Variants in NRDE2 observed in about 807,000 individuals in gnomAD.
The protein encoded by NRDE2 is NRDE-2, necessary for RNA interference, domain containing.
A neutral mutation model predicts 124.2 loss-of-function variants in NRDE2; 76 were observed. The ratio of observed to expected loss-of-function variants is 0.61; its 90% confidence interval spans 0.51 to 0.74. The LOEUF is 0.74. NRDE2 is among the 30% of genes least tolerant of loss of function. The probability of loss-of-function intolerance (pLI) is 0.00; values close to 1 mark genes in which losing one functional copy is unlikely to be tolerated. For synonymous variants in NRDE2, 489 were observed against 528.1 expected (o/e 0.93, Z 1.01); for missense variants, 1,314 against 1,417.3 (o/e 0.93, Z 1.17).
chr14:90,282,019 A>G (rs1236248446), intron 12 of NRDE2, among the ~76,000 whole-genome samples: 1 of 152,254 alleles, frequency 6.6e-6, no homozygotes, highest in East Asian at 1.9e-4. Flanking sequence ...ATGATTCACA[A>G]TTCAGAAATG....
chr14:90,294,627 C>T (rs1173890897), intron 8 of NRDE2, among the ~76,000 whole-genome samples: 1 of 152,070 alleles, frequency 6.6e-6, no homozygotes, highest in Non-Finnish European at 1.5e-5. Context: ...AGGTTCCTAA[C>T]GTAGTCACAT....
chr14:90,288,016 C>T (rs1448940636), intron 11 of NRDE2, among the ~76,000 whole-genome samples: 2 of 152,212 alleles, frequency 1.3e-5, no homozygotes, highest in Non-Finnish European at 2.9e-5. Flanking sequence ...GCCACCAACC[C>T]CCCTCCTGAG....
Position 90,288,343 on chromosome 14 carries a change from G to A in NRDE2, c.3032C>T (p.Ser1011Phe). Reference sequence around the variant, plus strand: ...TCTCCTGGTTTTGCTGGCACTGTGGGACTTATTCTGAATCTGTACATAGGA... The same window carrying A: ...TCTCCTGGTTTTGCTGGCACTGTGGAACTTATTCTGAATCTGTACATAGGA... ...WRSYVQIQNKSHSASKTRRFF... is the reference protein window; with the variant it reads ...WRSYVQIQNKFHSASKTRRFF... Residue 1011 changes from serine to phenylalanine, a missense_variant, in exon 11 of 14, where the codon TCC becomes TTC. By Grantham distance (155) the Ser-to-Phe change is radical. Coordinates refer to ENST00000354366, the MANE Select transcript of NRDE2 (RefSeq NM_017970.4). The A allele has an allele frequency of 6.2e-7, 1 of 1,614,174 alleles. No individual in the cohort carries two copies. Among genetic ancestry groups the A allele is most frequent in the Non-Finnish European group, 8.5e-7 (1 of 1,180,038 alleles).
chr14:90,304,090 G>A lies in NRDE2; in HGVS notation c.850C>T (p.Gln284Ter), dbSNP rs761212202. 1.2e-6 allele frequency: 2 copies of A among 1,614,072 alleles called. No homozygotes were observed. The highest frequency in any genetic ancestry group is 1.7e-6 in the Non-Finnish European group (2 of 1,180,048). Residue 284 changes from glutamine to a stop codon, truncating the protein, a stop_gained, in exon 5 of 14, where the codon CAA (glutamine) becomes TAA (stop). Transcript: ENST00000354366. LOFTEE classifies it high-confidence loss of function. ...IYDQSTTHWL[Q>*]GQGPPEQESK... is the part of the protein sequence containing the mutation. ...TCCTGCTCTGGAGGACCCTGTCCTT[G>A]TAGCCAATGTGTGGTTGACTGATCA... is the stretch of plus-strand genomic sequence containing the variant.
At chr14:90,283,072 T>G (rs985126949) in intron 12 of NRDE2, among the ~76,000 whole-genome samples, 1 of 152,114 alleles carries the variant, frequency 6.6e-6, no homozygotes, top group East Asian at 1.9e-4. Context: ...GCCTTAGCCT[T>G]CCCCCCGGCC....
In NRDE2 at chr14:90,303,095, C is replaced by T; in HGVS notation, c.1036G>A (p.Ala346Thr). The T allele has an allele frequency of 6.2e-7, 1 of 1,613,954 alleles. No homozygotes were observed. The highest frequency in any genetic ancestry group is 8.5e-7 in the Non-Finnish European group (1 of 1,179,988). Residue 346 changes from alanine to threonine, a missense_variant, in exon 6 of 14, where the codon GCC becomes ACC. Physicochemically the swap from Ala to Thr is moderately conservative, Grantham distance 58. Transcript: ENST00000354366. ...DEVMKSPGLY[A>T]IEEGEQEKRK... Reference sequence around the variant, plus strand: ...TTTTCCTGCTCTCCTTCCTCGATGGCATACAGGCCAGGACTTTTCATGACC... The same window carrying T: ...TTTTCCTGCTCTCCTTCCTCGATGGTATACAGGCCAGGACTTTTCATGACC...
chr14:90,289,246 T>C (rs956353248), intron 10 of NRDE2, 101 bp from the exon 11 acceptor site: 36 of 915,548 alleles, frequency 3.9e-5, no homozygotes, highest in Middle Eastern at 2.3e-4. Flanking sequence ...GCGTCTACGC[T>C]TCCTCCCTTT....
At chr14:90,297,764 G>A (rs1434421475) in intron 8 of NRDE2, among the ~76,000 whole-genome samples, 4 of 151,740 alleles carry the variant, frequency 2.6e-5, no homozygotes, top group African/African-American at 4.8e-5. Context: ...CCAACATGGC[G>A]ACCCTATCTC....
chr14:90,290,726 AACAG>A, intron 9 of NRDE2, 119 bp from the exon 10 acceptor site: 2 of 1,223,682 alleles, frequency 1.6e-6, no homozygotes, highest in Non-Finnish European at 2.2e-6. Context: ...ATCAATTTTA[AACAG>A]ACAGGAGCTA....
At chr14:90,281,306 G>C (rs1891945571) in intron 12 of NRDE2, 1 of 152,516 alleles carries the variant, frequency 6.6e-6, no homozygotes, top group African/African-American at 2.4e-5. Context: ...CGCACCTGTG[G>C]TCCCAGCTAA....
In NRDE2 at chr14:90,290,384, C is replaced by G. The variant is rs1404498010; in HGVS notation, c.2066G>C (p.Cys689Ser). The change falls in exon 10 of 14, where the codon TGT becomes TCT. Residue 689 changes from cysteine to serine, a missense_variant. Cys to Ser is a moderately radical substitution (Grantham distance 112). Coordinates refer to ENST00000354366, the MANE Select transcript of NRDE2 (RefSeq NM_017970.4). ...FFNPLFSGAS[C>S]VGRMDRLGYP... Reference sequence around the variant, plus strand: ...GCCCAACCTATCCATGCGGCCAACACAGCTAGCCCCAGAAAACAAAGGGTT... The same window carrying G: ...GCCCAACCTATCCATGCGGCCAACAGAGCTAGCCCCAGAAAACAAAGGGTT... 6.2e-7 allele frequency: 1 copy of G among 1,614,158 alleles called. No individual in the cohort carries two copies. The highest frequency in any genetic ancestry group is 1.7e-5 in the Admixed American group (1 of 60,030).
Position 90,270,097 on chromosome 14 carries a change from G to T in NRDE2, c.*8239C>A. 1 of 1,257,446 alleles carries T rather than the reference G, an allele frequency of 8.0e-7. No homozygotes were observed. The highest frequency in any genetic ancestry group is 1.5e-5 in the African/African-American group (1 of 66,604). 77.9% of individuals were successfully genotyped at this position (1,257,446 alleles called of 1,614,324 possible). On this transcript the variant is annotated 3_prime_UTR_variant, in exon 14 of 14. Coordinates refer to ENST00000354366, the MANE Select transcript of NRDE2 (RefSeq NM_017970.4). ...ACATCCTTCCCACAGAATTCTGTCC[G>T]ACTGAAACTTCGTATGTAAGGAGAT...
At chr14:90,298,583 C>A (rs1435692102) in intron 7 of NRDE2, among the ~76,000 whole-genome samples, 1 of 152,096 alleles carries the variant, frequency 6.6e-6, no homozygotes, top group East Asian at 1.9e-4. Flanking sequence ...CAAGATAGCC[C>A]CCATGACCCT....
In NRDE2 at chr14:90,312,432, GT is replaced by G; in HGVS notation, c.518del (p.Asn173ThrfsTer12). The G allele has an allele frequency of 3.7e-6, 6 of 1,614,082 alleles. No individual in the cohort carries two copies. The highest frequency in any genetic ancestry group is 5.1e-6 in the Non-Finnish European group (6 of 1,179,994). On this transcript the variant is annotated frameshift_variant, in exon 4 of 14. Coordinates refer to ENST00000354366, the MANE Select transcript of NRDE2 (RefSeq NM_017970.4). LOFTEE classifies it high-confidence loss of function. ...CTCGGTAGAGAGACTTGTACTCCCA[GT>G]TCGCAGGATCTGGTTTCTTATCTGT... ...FRTDKKPDPA[N>X]WEYKSLYRGD...
chr14:90,285,324 C>T (rs1349029806), intron 12 of NRDE2, among the ~76,000 whole-genome samples: 6 of 104,440 alleles, frequency 5.7e-5, no homozygotes, highest in Non-Finnish European at 9.1e-5. Context: ...TTTTTTGAGA[C>T]GGAGTCTCAC....
chr14:90,284,698 A>G (rs1481207222), intron 12 of NRDE2, among the ~76,000 whole-genome samples: 1 of 152,122 alleles, frequency 6.6e-6, no homozygotes. Context: ...TCCGAAACGT[A>G]CAATATTCAT....
intron 1 of NRDE2, among the ~76,000 whole-genome samples, chr14:90,323,146 T>C (rs1466225849): frequency 2.0e-5 from 3 of 152,158 alleles, no homozygotes; most frequent in Non-Finnish European, 4.4e-5. Context: ...CTAACAAAAA[T>C]AGGCAGGTGT....
rs756667273 is a variant in NRDE2 at position 90,288,752 on chromosome 14, G to A, written c.2623C>T (p.Arg875Ter). ...TGCAGTGCGTGCTCATAAGCCTTTCGCGCTTTCAAAATGTGAACAGCCAAC... is the reference window on the plus strand; with the variant it reads ...TGCAGTGCGTGCTCATAAGCCTTTCACGCTTTCAAAATGTGAACAGCCAAC... ...QVLAVHILKA[R>*]KAYEHALQDC... The change falls in exon 11 of 14, where the codon CGA becomes TGA. Residue 875 changes from arginine (R) to a stop codon, truncating the protein, a stop_gained. Coordinates refer to ENST00000354366, the MANE Select transcript of NRDE2 (RefSeq NM_017970.4). LOFTEE classifies it high-confidence loss of function. 2.4e-5 allele frequency: 38 copies of A among 1,613,920 alleles called. No homozygotes were observed. Among genetic ancestry groups the A allele is most frequent in the Admixed American group, 3.3e-5 (2 of 59,994 alleles).
intron 9 of NRDE2, among the ~76,000 whole-genome samples, chr14:90,291,086 TAAAC>T (rs1382170292): frequency 6.6e-6 from 1 of 152,114 alleles, no homozygotes; most frequent in Non-Finnish European, 1.5e-5. Context: ...CAAAACTAGA[TAAAC>T]AGACAAAACT....
Sources: allele counts gnomAD v4.1 joint callset (sites outside exome capture counted in the v4.1 genomes callset), GRCh38; gene constraint gnomAD v4.1.1; transcripts MANE v1.5; gene names NCBI Gene and HGNC (gene_info 2026-07-23, HGNC 2026-07-21).